Variants in CNTRL observed in about 807,000 individuals in gnomAD.
The protein encoded by CNTRL is 110 kDa centrosomal protein.
CNTRL carries 233 observed loss-of-function variants against 303.7 expected under a neutral mutation model. The ratio of observed to expected loss-of-function variants is 0.77; its 90% CI spans 0.69 to 0.86. The LOEUF is 0.86. Among genes scored for constraint, CNTRL ranks in the 40% least tolerant of loss-of-function variants. The probability of loss-of-function intolerance (pLI) is 0.00; values close to 1 mark genes in which losing one functional copy is unlikely to be tolerated. For synonymous variants in CNTRL, 900 were observed against 922.2 expected (o/e 0.98, Z 0.44); for missense variants, 2,524 against 2,650.6 (o/e 0.95, Z 1.05).
Position 121,165,032 on chromosome 9 carries a change from TAG to T in CNTRL, c.5515_5516del (p.Asp1839ProfsTer11). On this transcript the variant is annotated frameshift_variant, in exon 35 of 44. Coordinates refer to ENST00000373855, the MANE Select transcript of CNTRL (RefSeq NM_007018.6). LOFTEE classifies it high-confidence loss of function. ...AATGTCAGAAAACTGCAGCAGGAAC[TAG>T]ACCAACTAAACAGAGACAAGTTGTC... 6.2e-7 allele frequency: 1 copy of T among 1,609,956 alleles called. No homozygotes were observed. The highest frequency in any genetic ancestry group is 8.5e-7 in the Non-Finnish European group (1 of 1,178,630).
chr9:121,114,027 G>A (rs2146838), intron 10 of CNTRL, among the ~76,000 whole-genome samples: 77,853 of 152,066 alleles, frequency 0.51, 21,892 homozygotes, highest in South Asian at 0.8. Context: ...GTCACAATTA[G>A]TAATAACTGA....
chr9:121,087,512 G>A (rs371887141), intron 2 of CNTRL, among the ~76,000 whole-genome samples: 234 of 152,172 alleles, frequency 1.5e-3, no homozygotes, highest in Middle Eastern at 0.01. Context: ...CCAACATGGC[G>A]AAACCCCATC....
chr9:121,113,542 T>A lies in CNTRL; in HGVS notation c.1163T>A (p.Ile388Asn), dbSNP rs149113705. 13 of 1,603,686 alleles carry A rather than the reference T, an allele frequency of 8.1e-6. No individual in the cohort carries two copies. The South Asian group carries it at 1.0e-4, about 13-fold the overall frequency. ...IDKAPDESPY[I>N]GKSRYKRNMF... is the part of the protein sequence containing the mutation. ...AAAGCCCCAGATGAAAGCCCTTACA[T>A]TGGCAAATCCAGATACAAGAGAAAT... is the stretch of plus-strand genomic sequence containing the variant. Residue 388 changes from isoleucine (I) to asparagine (N), a missense_variant, in exon 10 of 44, where the codon ATT becomes AAT. Transcript: ENST00000373855.
At chr9:121,084,257 C>A (rs2048259716) in intron 2 of CNTRL, among the ~76,000 whole-genome samples, 2 of 152,120 alleles carry the variant, frequency 1.3e-5, no homozygotes, top group Non-Finnish European at 2.9e-5. Flanking sequence ...TGTTTTTAGA[C>A]TAAATGTACT....
At chr9:121,166,026 C>T (rs777291184) in intron 35 of CNTRL, 81 bp from the exon 36 acceptor site, 66 of 1,061,286 alleles carry the variant, frequency 6.2e-5, no homozygotes, top group Non-Finnish European at 8.9e-5. Context: ...AACAACTTCT[C>T]TACTTTTTGG....
chr9:121,142,291 G>T, intron 19 of CNTRL, 21 bp downstream of exon 19: 2 of 1,586,018 alleles, frequency 1.3e-6, no homozygotes, highest in South Asian at 1.2e-5. Flanking sequence ...CTTAGAAAAT[G>T]AGACACATAA....
intron 17 of CNTRL, among the ~76,000 whole-genome samples, chr9:121,141,144 G>A (rs1347076090): frequency 2.0e-5 from 3 of 152,138 alleles, no homozygotes; most frequent in South Asian, 2.1e-4. Context: ...TATATGAAAT[G>A]GACATTTATT....
intron 15 of CNTRL, among the ~76,000 whole-genome samples, chr9:121,137,736 TAATA>T (rs140012956): frequency 0.086 from 13,088 of 152,122 alleles, 1,325 homozygotes; most frequent in African/African-American, 0.24. Context: ...TTTAAAATAA[TAATA>T]AATAAAATTT....
At position 121,177,208 on chromosome 9, in the gene CNTRL, A is replaced by AT. The variant is rs1247200276; in HGVS notation, c.*23dup. 5.0e-6 allele frequency: 8 copies of AT among 1,599,262 alleles called. No individual in the cohort carries two copies. Among genetic ancestry groups the AT allele is most frequent in the Middle Eastern group, 3.3e-4 (2 of 6,030 alleles). On this transcript the variant is annotated 3_prime_UTR_variant, in exon 44 of 44. Coordinates refer to ENST00000373855, the MANE Select transcript of CNTRL (RefSeq NM_007018.6). ...ATGAGGAATACTGTCTTGTGTAAATATATTCAAGGAAAACACCTCCACTAC... is the reference window on the plus strand; with the variant it reads ...ATGAGGAATACTGTCTTGTGTAAATATTATTCAAGGAAAACACCTCCACTAC...
intron 5 of CNTRL, 70 bp from the exon 6 acceptor site, chr9:121,096,352 A>G: frequency 2.1e-6 from 2 of 940,460 alleles, no homozygotes; most frequent in South Asian, 7.7e-5. Context: ...AAAGCTGTTT[A>G]TTCTAAAAAT....
intron 5 of CNTRL, among the ~76,000 whole-genome samples, chr9:121,095,722 A>G (rs151010066): frequency 8.5e-4 from 130 of 152,366 alleles, no homozygotes; most frequent in African/African-American, 2.9e-3. Flanking sequence ...ATTTGTATAA[A>G]AAGTTGACTC....
In CNTRL at chr9:121,166,090, G is replaced by A; in HGVS notation, c.5582-17G>A. 1 of 1,586,920 alleles carries A rather than the reference G, an allele frequency of 6.3e-7. No homozygotes were observed. Among genetic ancestry groups the A allele is most frequent in the East Asian group, 2.2e-5 (1 of 44,646 alleles). ...TACGTATGTATTTCTTATTTCATGAGAATGTCATTTCTTTAGAAAAACGAG... is the reference window on the plus strand; with the variant it reads ...TACGTATGTATTTCTTATTTCATGAAAATGTCATTTCTTTAGAAAAACGAG... On this transcript the variant is annotated splice_polypyrimidine_tract_variant and intron_variant, in intron 35 of 43. Coordinates refer to ENST00000373855, the MANE Select transcript of CNTRL (RefSeq NM_007018.6).
chr9:121,136,061 A>T, intron 15 of CNTRL, 79 bp downstream of exon 15: 1 of 1,290,758 alleles, frequency 7.7e-7, no homozygotes, highest in Admixed American at 2.8e-5. Flanking sequence ...TTATGTCTTA[A>T]TTTAAAATTA....
rs762176530 is a variant in CNTRL at position 121,167,484 on chromosome 9, T to TA, written c.5656-2dup. ...AGTAGTTTCCACTTGTTCTTTCACCTAAAGGACCTGCTTCACACCACCAAG... is the reference window on the plus strand; with the variant it reads ...AGTAGTTTCCACTTGTTCTTTCACCTAAAAGGACCTGCTTCACACCACCAAG... On this transcript the variant is annotated splice_polypyrimidine_tract_variant and splice_region_variant and intron_variant, in intron 36 of 43. Coordinates refer to ENST00000373855, the MANE Select transcript of CNTRL (RefSeq NM_007018.6). 15 of 1,610,184 alleles carry TA rather than the reference T, an allele frequency of 9.3e-6. No individual in the cohort carries two copies. The highest frequency in any genetic ancestry group is 1.2e-5 in the Non-Finnish European group (14 of 1,178,482).
chr9:121,150,636 T>A, intron 25 of CNTRL, 153 bp downstream of exon 25: 1 of 713,498 alleles, frequency 1.4e-6, no homozygotes, highest in Non-Finnish European at 2.3e-6. Context: ...CATTCTCTTA[T>A]TAAAATTCTC....
At chr9:121,159,696 A>G (rs1324468982) in intron 31 of CNTRL, among the ~76,000 whole-genome samples, 1 of 151,882 alleles carries the variant, frequency 6.6e-6, no homozygotes, top group Non-Finnish European at 1.5e-5. Context: ...AAAAAAAAAA[A>G]AGAAAACTTC....
chr9:121,103,004 C>A (rs565082803), intron 7 of CNTRL, among the ~76,000 whole-genome samples: 1 of 152,310 alleles, frequency 6.6e-6, no homozygotes, highest in Admixed American at 6.5e-5. Context: ...ATGCCATCCC[C>A]ATCAAGCTAC....
intron 35 of CNTRL, 94 bp downstream of exon 35, chr9:121,165,194 C>A: frequency 8.1e-7 from 1 of 1,230,654 alleles, no homozygotes; most frequent in Non-Finnish European, 1.1e-6. Context: ...TGCTAATGAG[C>A]ATGGTGTTTC....
chr9:121,135,743 G>A lies in CNTRL; in HGVS notation c.2026-63G>A, dbSNP rs1360394590. 5 of 1,449,084 alleles carry A rather than the reference G, an allele frequency of 3.5e-6. No homozygotes were observed. The East Asian group carries it at 1.2e-4, about 34-fold the overall frequency. 89.8% of individuals were successfully genotyped at this position (1,449,084 alleles called of 1,614,324 possible). A position where few individuals can be genotyped will look rare whatever the true frequency, so the allele number is the denominator to read the frequency against. ...TTACAGTGCTCAAGTTACTTATAAT[G>A]CCTTGCAAATGCTTAAGCAGCACAG... On this transcript the variant is annotated intron_variant, in intron 14 of 43. Coordinates refer to ENST00000373855, the MANE Select transcript of CNTRL (RefSeq NM_007018.6).
Sources: gnomAD v4.1 joint callset for allele counts (sites outside exome capture counted in the v4.1 genomes callset) on GRCh38, gnomAD v4.1.1 for gene constraint, MANE v1.5 for transcripts, NCBI Gene and HGNC (gene_info 2026-07-23, HGNC 2026-07-21) for gene names.